Variants in CABIN1 observed in about 807,000 individuals in gnomAD.
CABIN1 encodes calcineurin-binding protein cabin-1.
In CABIN1, 133 loss-of-function variants were observed where a neutral mutation model predicts 227.7. The ratio of observed to expected loss-of-function variants is 0.58; its 90% CI spans 0.51 to 0.67. The LOEUF is 0.67. Ranked by LOEUF, CABIN1 falls within the 30% of genes least tolerant of loss-of-function variation. The pLI is 0.00. For missense variants in CABIN1, 2,408 were observed against 2,852.5 expected, an observed-to-expected ratio of 0.84 and a Z score of 3.55; for synonymous variants, 1,086 against 1,155.1, an observed-to-expected ratio of 0.94 and a Z score of 1.21.
chr22:24,071,536 C>G (rs924280443), intron 17 of CABIN1, among the ~76,000 whole-genome samples: 4 of 152,072 alleles, frequency 2.6e-5, no homozygotes, highest in Admixed American at 2.6e-4. Context: ...GCAAGTCCTG[C>G]CAAATCTATA....
At chr22:24,068,666 T>C (rs2039868822) in intron 16 of CABIN1, among the ~76,000 whole-genome samples, 1 of 152,270 alleles carries the variant, frequency 6.6e-6, no homozygotes, top group Non-Finnish European at 1.5e-5. Flanking sequence ...TTTTTGTATA[T>C]TAAAGATAGT....
At chr22:24,086,346 T>C (rs949384520) in intron 22 of CABIN1, among the ~76,000 whole-genome samples, 3 of 152,254 alleles carry the variant, frequency 2.0e-5, no homozygotes, top group Non-Finnish European at 4.4e-5. Flanking sequence ...TTCAACAGAA[T>C]TAAGGCTCAT....
At chr22:24,136,006 G>A (rs2044372497) in intron 29 of CABIN1, among the ~76,000 whole-genome samples, 2 of 152,156 alleles carry the variant, frequency 1.3e-5, no homozygotes, top group Admixed American at 1.3e-4. Flanking sequence ...ACAAGTAGGG[G>A]TGTTATTGGT....
intron 27 of CABIN1, among the ~76,000 whole-genome samples, chr22:24,117,124 G>A (rs1453988720): frequency 6.6e-6 from 1 of 152,186 alleles, no homozygotes; most frequent in African/African-American, 2.4e-5. Context: ...CAGTGGGAGT[G>A]GATGCTGTGT....
intron 15 of CABIN1, among the ~76,000 whole-genome samples, chr22:24,065,653 G>A (rs1366561352): frequency 1.3e-5 from 2 of 152,236 alleles, no homozygotes; most frequent in Non-Finnish European, 2.9e-5. Context: ...CAAGGCAGGC[G>A]GCTGGGAGGT....
At chr22:24,075,963 T>C (rs917211140) in intron 18 of CABIN1, among the ~76,000 whole-genome samples, 5 of 151,780 alleles carry the variant, frequency 3.3e-5, no homozygotes, top group Non-Finnish European at 7.4e-5. Context: ...GAATTGTGTT[T>C]TGATAAGCGT....
At chr22:24,041,479 T>C (rs1242823958) in intron 5 of CABIN1, among the ~76,000 whole-genome samples, 1 of 152,162 alleles carries the variant, frequency 6.6e-6, no homozygotes, top group East Asian at 1.9e-4. Flanking sequence ...GAGCACATGC[T>C]TGGATGCAGA....
At chr22:24,099,070 C>T (rs181107591) in intron 26 of CABIN1, among the ~76,000 whole-genome samples, 1 of 152,216 alleles carries the variant, frequency 6.6e-6, no homozygotes, top group Admixed American at 6.5e-5. Context: ...TAGAGTGGCT[C>T]CTTGGAGTAA....
chr22:24,132,289 CACTAATCTTTGA>C (rs1244948645), intron 28 of CABIN1, among the ~76,000 whole-genome samples: 1 of 152,206 alleles, frequency 6.6e-6, no homozygotes, highest in Non-Finnish European at 1.5e-5. Context: ...CTGCTCTACT[CACTAATCTTTGA>C]GCTAATCTTT....
chr22:24,128,969 C>A (rs1164617711), intron 28 of CABIN1, among the ~76,000 whole-genome samples: 1 of 152,212 alleles, frequency 6.6e-6, no homozygotes, highest in African/African-American at 2.4e-5. Context: ...GTGAGTGGAT[C>A]ATCATCATTG....
chr22:24,015,270 CAAAAAAAAAA>C (rs1199906542), intron 1 of CABIN1, among the ~76,000 whole-genome samples: 1 of 50,690 alleles, frequency 2.0e-5, no homozygotes, highest in African/African-American at 8.0e-5. Flanking sequence ...AATCCATCTC[CAAAAAAAAAA>C]AAAAAAAAAA....
At chr22:24,160,878 G>A (rs539672521) in intron 29 of CABIN1, among the ~76,000 whole-genome samples, 147 of 152,334 alleles carry the variant, frequency 9.6e-4, no homozygotes, top group African/African-American at 3.3e-3. Context: ...AGGCTGGCCC[G>A]GCAGCATCCT....
intron 5 of CABIN1, 120 bp downstream of exon 5, chr22:24,041,393 T>C (rs981180482): frequency 2.4e-6 from 3 of 1,257,512 alleles, no homozygotes; most frequent in African/African-American, 3.0e-5. Flanking sequence ...CAAGCTATAG[T>C]ACCCAAGGCT....
intron 1 of CABIN1, among the ~76,000 whole-genome samples, chr22:24,029,949 A>G (rs2036377302): frequency 6.6e-6 from 1 of 152,204 alleles, no homozygotes; most frequent in Admixed American, 6.5e-5. Flanking sequence ...GCCTGAGGCA[A>G]ATCACCTAAC....
chr22:24,016,713 T>C (rs1477639096), intron 1 of CABIN1, among the ~76,000 whole-genome samples: 1 of 152,210 alleles, frequency 6.6e-6, no homozygotes, highest in Non-Finnish European at 1.5e-5. Context: ...TTTTCTCAGA[T>C]ATAGTCAAAT....
chr22:24,134,762 G>T (rs185400202), intron 29 of CABIN1, among the ~76,000 whole-genome samples: 1 of 152,218 alleles, frequency 6.6e-6, no homozygotes, highest in African/African-American at 2.4e-5. Flanking sequence ...TCTCAAGCAC[G>T]TAGGAGATTC....
intron 18 of CABIN1, among the ~76,000 whole-genome samples, chr22:24,072,770 CAA>C (rs927944435): frequency 6.6e-6 from 1 of 152,120 alleles, no homozygotes; most frequent in East Asian, 1.9e-4. Flanking sequence ...GAGGGAGTGA[CAA>C]GAGGTGACTA....
intron 6 of CABIN1, among the ~76,000 whole-genome samples, chr22:24,045,231 A>T (rs2037771599): frequency 6.6e-6 from 1 of 152,152 alleles, no homozygotes; most frequent in Middle Eastern, 3.4e-3. Flanking sequence ...GCCCAGTATC[A>T]CCTTTAACAA....
chr22:24,156,007 C>T (rs1186155576), intron 29 of CABIN1: 2 of 572,226 alleles, frequency 3.5e-6, no homozygotes, highest in Non-Finnish European at 3.1e-6. Flanking sequence ...AGAGAGCGAA[C>T]GAGCCTCCGC....
Sources: gnomAD v4.1 joint callset for allele counts (sites outside exome capture counted in the v4.1 genomes callset) on GRCh38, gnomAD v4.1.1 for gene constraint, MANE v1.5 for transcripts, NCBI Gene and HGNC (gene_info 2026-07-23, HGNC 2026-07-21) for gene names.